The following HTR2C variants were observed in gnomAD, a reference collection of about 807,000 sequenced individuals.
The protein encoded by HTR2C is 5-hydroxytryptamine (serotonin) receptor 2C, G protein-coupled.
A neutral mutation model predicts 21.0 loss-of-function variants in HTR2C; 5 were observed. The ratio of observed to expected loss-of-function variants is 0.24; its 90% CI spans 0.12 to 0.50. The LOEUF (loss-of-function observed/expected upper bound fraction) is 0.50, where lower values mean the gene tolerates loss of function less well. Ranked by LOEUF, HTR2C falls within the 20% of genes least tolerant of loss-of-function variation. The probability of loss-of-function intolerance (pLI) is 0.98; values close to 1 mark genes in which losing one functional copy is unlikely to be tolerated. For missense variants in HTR2C, 271 were observed against 371.2 expected (o/e 0.73, Z 2.22); for synonymous variants, 150 against 145.3 (o/e 1.03, Z -0.23).
chrX:114,677,227 C>T (rs1033688036), intron 2 of HTR2C, among the ~76,000 whole-genome samples: 4 of 110,569 alleles, frequency 3.6e-5, no homozygotes, highest in Non-Finnish European at 5.7e-5. Flanking sequence ...TTATCTCATA[C>T]GGGAAATAAA....
At chrX:114,699,795 AT>A (rs1341006905) in intron 2 of HTR2C, among the ~76,000 whole-genome samples, 3 of 112,018 alleles carry the variant, frequency 2.7e-5, no homozygotes, top group Non-Finnish European at 5.6e-5. Flanking sequence ...TTCCATAGCT[AT>A]AATTTTTATG....
chrX:114,806,965 AC>A (rs1255170577), intron 4 of HTR2C, among the ~76,000 whole-genome samples: 1 of 101,714 alleles, frequency 9.8e-6, no homozygotes, highest in African/African-American at 3.6e-5. Context: ...ATATGTATAT[AC>A]CATATATACC....
intron 1 of HTR2C, among the ~76,000 whole-genome samples, chrX:114,591,379 C>G (rs1556391120): frequency 8.9e-6 from 1 of 111,767 alleles, no homozygotes. Flanking sequence ...GTCATTTCAT[C>G]ATACCTCTAT....
In HTR2C at chrX:114,846,392, T is replaced by A. The variant is rs1342176859; in HGVS notation, c.350-1611T>A. On this transcript the variant is annotated intron_variant, in intron 4 of 5. Coordinates refer to ENST00000276198, the MANE Select transcript of HTR2C (RefSeq NM_000868.4). The stretch of plus-strand genomic sequence containing the variant: ...AAGAAAATTATAGATTAGTATTGTT[T>A]ATTAATATAAATGCAAAAGTCTTCA... Among the ~76,000 whole-genome samples, 5 of 112,034 alleles carry A rather than the reference T, an allele frequency of 4.5e-5. No homozygotes were observed. In the South Asian group the frequency reaches 1.5e-3, roughly 33 times the overall value.
intron 2 of HTR2C, among the ~76,000 whole-genome samples, chrX:114,703,384 C>T (rs1556417312): frequency 2.7e-5 from 3 of 111,080 alleles, no homozygotes. Context: ...TGCAATCAAA[C>T]CAGAACTCAG....
intron 2 of HTR2C, among the ~76,000 whole-genome samples, chrX:114,720,859 T>C (rs1177005202): frequency 1.1e-5 from 1 of 89,397 alleles, no homozygotes; most frequent in Non-Finnish European, 2.2e-5. Flanking sequence ...TCATTTTTTA[T>C]GGCTGCATAG....
At chrX:114,793,790 C>A (rs868957092) in intron 4 of HTR2C, among the ~76,000 whole-genome samples, 19 of 109,921 alleles carry the variant, frequency 1.7e-4, no homozygotes, top group African/African-American at 4.6e-4. Flanking sequence ...ATATTAAGCA[C>A]TTACTACTTT....
In HTR2C at chrX:114,761,717, A is replaced by G. The variant is rs184336562; in HGVS notation, c.349+30110A>G. 1.0e-4 allele frequency among the ~76,000 whole-genome samples: 11 copies of G among 109,163 alleles called. No individual in the cohort carries two copies. The East Asian group carries it at 3.2e-3, about 32-fold the overall frequency. The allele number at this position is 109,163 out of a possible 115,157, so 94.8% of individuals were successfully genotyped here. ...TTTTCAGTAACACAACTGATTATTA[A>G]GCACAGGCCTATAAAACTCCAAAGT... On this transcript the variant is annotated intron_variant, in intron 4 of 5. Coordinates refer to ENST00000276198, the MANE Select transcript of HTR2C (RefSeq NM_000868.4).
intron 4 of HTR2C, among the ~76,000 whole-genome samples, chrX:114,845,761 G>A (rs375130531): frequency 2.7e-5 from 3 of 109,290 alleles, no homozygotes; most frequent in Non-Finnish European, 5.7e-5. Flanking sequence ...TGTAATCCTC[G>A]CACCTTGGGA....
chrX:114,676,006 A>C (rs1931548633), intron 2 of HTR2C, among the ~76,000 whole-genome samples: 1 of 107,278 alleles, frequency 9.3e-6, no homozygotes, highest in Admixed American at 1.0e-4. Context: ...AGTAGTTGGG[A>C]TTATAGGCGC....
chrX:114,883,004 T>G (rs1481460032), intron 5 of HTR2C, among the ~76,000 whole-genome samples: 3 of 110,317 alleles, frequency 2.7e-5, no homozygotes, highest in Non-Finnish European at 5.7e-5. Flanking sequence ...GTTATGAACT[T>G]TTCATTGTGC....
intron 2 of HTR2C, among the ~76,000 whole-genome samples, chrX:114,627,906 T>C (rs1929444204): frequency 8.9e-6 from 1 of 112,027 alleles, no homozygotes; most frequent in African/African-American, 3.2e-5. Context: ...GTAAAGCTTA[T>C]AAATCTGCTT....
intron 2 of HTR2C, chrX:114,715,317 G>A: frequency 2.6e-6 from 1 of 385,718 alleles, no homozygotes; most frequent in African/African-American, 2.5e-5. Context: ...CTGGGCAACT[G>A]ACTGAACTTT....
chrX:114,605,469 T>C (rs1282706422), intron 1 of HTR2C, among the ~76,000 whole-genome samples: 1 of 109,953 alleles, frequency 9.1e-6, no homozygotes, highest in Non-Finnish European at 1.9e-5. Flanking sequence ...AGAAGGAAGA[T>C]TTGGGACGAG....
In HTR2C at chrX:114,623,906, G is replaced by GTTTTT. The variant is rs35930521; in HGVS notation, c.-80+10041_-80+10045dup. Among the ~76,000 whole-genome samples, 112 of 69,330 alleles carry GTTTTT rather than the reference G, an allele frequency of 1.6e-3. 1 individual carries two copies. The highest frequency in any genetic ancestry group is 1.6e-3 in the Non-Finnish European group (64 of 39,896). The allele number at this position is 69,330 out of a possible 115,157, so 60.2% of individuals were successfully genotyped here. ...ACAAGTTGTCTCTTTTTTTGTTGTT[G>GTTTTT]TTTTTTTTTTTTTTTTTTTTGAGAC... On this transcript the variant is annotated intron_variant, in intron 2 of 5. Transcript: ENST00000276198.
At chrX:114,836,155 TTTTG>T (rs2070780424) in intron 4 of HTR2C, among the ~76,000 whole-genome samples, 1 of 108,397 alleles carries the variant, frequency 9.2e-6, no homozygotes, top group Non-Finnish European at 1.9e-5. Flanking sequence ...ACTGCTATCT[TTTTG>T]TTTGTCTGTG....
chrX:114,888,526 T>C (rs782574171), intron 5 of HTR2C, among the ~76,000 whole-genome samples: 1 of 111,918 alleles, frequency 8.9e-6, no homozygotes, highest in Admixed American at 9.5e-5. Flanking sequence ...CCTAGGAATA[T>C]AAATCCTTGA....
At chrX:114,615,766 T>C (rs1459599715) in intron 2 of HTR2C, among the ~76,000 whole-genome samples, 1 of 112,026 alleles carries the variant, frequency 8.9e-6, no homozygotes, top group Non-Finnish European at 1.9e-5. Context: ...TAGTGAGTAC[T>C]CCTTGCTTCT....
intron 4 of HTR2C, among the ~76,000 whole-genome samples, chrX:114,793,939 G>GA (rs1334410567): frequency 1.8e-5 from 2 of 109,685 alleles, no homozygotes; most frequent in East Asian, 5.7e-4. Context: ...TGAGTGCTAT[G>GA]AAAAAAAATA....
Sources: allele counts gnomAD v4.1 joint callset (sites outside exome capture counted in the v4.1 genomes callset), GRCh38; gene constraint gnomAD v4.1.1; transcripts MANE v1.5; gene names NCBI Gene and HGNC (gene_info 2026-07-23, HGNC 2026-07-21).